The following NOTCH2 variants were observed in gnomAD, a reference collection of about 807,000 sequenced individuals.
The protein encoded by NOTCH2 is neurogenic locus notch homolog protein 2.
A neutral mutation model predicts 235.8 loss-of-function variants in NOTCH2; 29 were observed. The observed-to-expected ratio is 0.12, with a 90% CI of 0.09 to 0.17. The LOEUF is 0.17. NOTCH2 is among the 10% of genes least tolerant of loss of function. The probability of loss-of-function intolerance (pLI) is 1.00; values close to 1 mark genes in which losing one functional copy is unlikely to be tolerated. For missense variants in NOTCH2, 2,285 were observed against 3,150.2 expected (o/e 0.73, Z 6.57); for synonymous variants, 1,086 against 1,141.5 (o/e 0.95, Z 0.98).
At chr1:120,014,026 C>T (rs587631711) in intron 2 of NOTCH2, among the ~76,000 whole-genome samples, 14 of 147,032 alleles carry the variant, frequency 9.5e-5, no homozygotes, top group South Asian at 2.2e-4. Context: ...GCCTTTCATC[C>T]GCAAAACTAT....
In NOTCH2 at chr1:120,069,394, G is replaced by C. The variant is rs781919354; in HGVS notation, c.13C>G (p.Arg5Gly). 1.9e-6 allele frequency: 3 copies of C among 1,548,330 alleles called. No homozygotes were observed. In the South Asian group the frequency reaches 3.5e-5, roughly 18 times the overall value. The change falls in exon 1 of 34, where the codon CGC becomes GGC. Residue 5 changes from arginine (R) to glycine (G), a missense_variant. Arg to Gly is a moderately radical substitution (Grantham distance 125, BLOSUM62 -2). Around this residue, in one of 6 missense-constraint regions of NOTCH2, gnomAD observed 37 missense variants for 31.4 expected, o/e 1.18. Transcript: ENST00000256646. ...AGCAGCGCCCACAGCAGAGCGGGGC[G>C]CAGGGCGGGCATCTTCTCGGTCGCC... MPAL[R>G]PALLWALLAL...
chr1:120,041,793 C>A (rs1553212856), intron 1 of NOTCH2, among the ~76,000 whole-genome samples: 1 of 111,908 alleles, frequency 8.9e-6, no homozygotes, highest in African/African-American at 3.8e-5. Flanking sequence ...TTCTTGAGCC[C>A]AGTGCTTCCC....
Position 119,941,755 on chromosome 1 carries a change from C to A in NOTCH2, c.2753-1G>T, listed in dbSNP as rs2101105987. 1 of 1,609,304 alleles carries A rather than the reference C, an allele frequency of 6.2e-7. No homozygotes were observed. Among genetic ancestry groups the A allele is most frequent in the South Asian group, 1.1e-5 (1 of 90,890 alleles). On this transcript the variant is annotated splice_acceptor_variant, in intron 17 of 33. Coordinates refer to ENST00000256646, the MANE Select transcript of NOTCH2 (RefSeq NM_024408.4). LOFTEE classifies it high-confidence loss of function. ...CAGGAACCTCCATTCTGGCAAGGATCTAAGCCATTACAAAAGAATTAGACC... is the reference window on the plus strand; with the variant it reads ...CAGGAACCTCCATTCTGGCAAGGATATAAGCCATTACAAAAGAATTAGACC...
chr1:120,023,233 A>G (rs1369148391), intron 2 of NOTCH2, among the ~76,000 whole-genome samples: 1 of 150,662 alleles, frequency 6.6e-6, no homozygotes, highest in Non-Finnish European at 1.5e-5. Flanking sequence ...GTCAGGAGAT[A>G]GAGACCATCC....
At chr1:119,984,329 GC>G (rs2101178631) in intron 5 of NOTCH2, among the ~76,000 whole-genome samples, 1 of 152,218 alleles carries the variant, frequency 6.6e-6, no homozygotes, top group African/African-American at 2.4e-5. Context: ...AGTTCAACAA[GC>G]CTAGATTCAA....
chr1:119,938,381 A>G (rs782092441), intron 19 of NOTCH2, among the ~76,000 whole-genome samples: 11 of 152,246 alleles, frequency 7.2e-5, no homozygotes, highest in Non-Finnish European at 1.5e-5. Flanking sequence ...TCTGATATTA[A>G]ACATTAAAAT....
intron 5 of NOTCH2, among the ~76,000 whole-genome samples, chr1:119,979,961 A>G (rs1048188341): frequency 7.2e-5 from 11 of 152,290 alleles, no homozygotes; most frequent in African/African-American, 2.4e-4. Flanking sequence ...AGTATAATAT[A>G]AATTATCACA....
At chr1:119,922,559 G>C (rs2101155472) in intron 27 of NOTCH2, 77 bp downstream of exon 27, 1 of 1,607,352 alleles carries the variant, frequency 6.2e-7, no homozygotes, top group Non-Finnish European at 8.5e-7. Flanking sequence ...AAAAATAGAG[G>C]GCTACATAAT....
In NOTCH2 at chr1:119,928,978, G is replaced by C; in HGVS notation, c.3890C>G (p.Thr1297Ser). 1 of 1,613,716 alleles carries C rather than the reference G, an allele frequency of 6.2e-7. No homozygotes were observed. Among genetic ancestry groups the C allele is most frequent in the South Asian group, 1.1e-5 (1 of 91,072 alleles). ...DYLCVCRSAFTGRHCETFVDV... is the reference protein window; with the variant it reads ...DYLCVCRSAFSGRHCETFVDV... Reference sequence around the variant, plus strand: ...CAGGAGGCTAGAGAGCTTCTCACCAGTAAAGGCACTACGGCAAACACACAG... The same window carrying C: ...CAGGAGGCTAGAGAGCTTCTCACCACTAAAGGCACTACGGCAAACACACAG... The change falls in exon 23 of 34, where the codon ACT becomes AGT. Residue 1297 changes from threonine (T) to serine (S), a missense_variant and splice_region_variant. Physicochemically the swap from Thr to Ser is moderately conservative, Grantham distance 58 (BLOSUM62 1). Transcript: ENST00000256646.
At chr1:119,950,269 CAT>C (rs1650420204) in intron 15 of NOTCH2, 2 of 357,324 alleles carry the variant, frequency 5.6e-6, no homozygotes, top group South Asian at 2.2e-5. Flanking sequence ...TCAGCCTCCT[CAT>C]GTGTAAAATG....
At chr1:120,017,448 A>G (rs1156929135) in intron 2 of NOTCH2, among the ~76,000 whole-genome samples, 2 of 152,070 alleles carry the variant, frequency 1.3e-5, no homozygotes, top group Non-Finnish European at 2.9e-5. Flanking sequence ...GACTAAAATT[A>G]TTAATTCTCA....
intron 29 of NOTCH2, among the ~76,000 whole-genome samples, chr1:119,921,094 G>A (rs901601073): frequency 6.6e-6 from 1 of 152,220 alleles, no homozygotes; most frequent in Admixed American, 6.5e-5. Flanking sequence ...AAGCGGCAGA[G>A]TTTTGGATTT....
intron 16 of NOTCH2, 130 bp downstream of exon 16, chr1:119,948,877 A>C: frequency 7.9e-7 from 1 of 1,263,598 alleles, no homozygotes; most frequent in South Asian, 1.2e-5. Context: ...CCTTTGCAAA[A>C]CCTGTGTGCT....
At chr1:119,927,387 G>C (rs1158845647) in intron 23 of NOTCH2, among the ~76,000 whole-genome samples, 1 of 152,124 alleles carries the variant, frequency 6.6e-6, no homozygotes, top group Non-Finnish European at 1.5e-5. Flanking sequence ...AGGTATAAAT[G>C]TTTGTCTCTT....
chr1:119,953,977 A>G (rs1402477710), intron 13 of NOTCH2, among the ~76,000 whole-genome samples: 1 of 152,210 alleles, frequency 6.6e-6, no homozygotes, highest in Non-Finnish European at 1.5e-5. Context: ...TGAAGGAAAC[A>G]ATATCATGGA....
chr1:119,949,409 C>CA (rs1650381292), intron 15 of NOTCH2, among the ~76,000 whole-genome samples: 1 of 129,424 alleles, frequency 7.7e-6, no homozygotes. Flanking sequence ...TTTTTTGAGA[C>CA]GGAGTCTCAC....
chr1:119,921,875 C>A (rs746988432), intron 28 of NOTCH2, 66 bp from the exon 29 acceptor site: 1 of 1,318,382 alleles, frequency 7.6e-7, no homozygotes, highest in Non-Finnish European at 1.1e-6. Context: ...GTTTTCAACA[C>A]TTTCCACCAT....
intron 26 of NOTCH2, 96 bp from the exon 27 acceptor site, chr1:119,922,874 C>T (rs920964333): frequency 1.4e-6 from 2 of 1,470,346 alleles, no homozygotes; most frequent in African/African-American, 1.4e-5. Context: ...TGACAGGAGC[C>T]TCCCTTCCTC....
At chr1:119,968,903 T>G (rs1197160528) in intron 6 of NOTCH2, among the ~76,000 whole-genome samples, 1 of 152,254 alleles carries the variant, frequency 6.6e-6, no homozygotes, top group African/African-American at 2.4e-5. Flanking sequence ...AAGGCCTCCA[T>G]GAAAGAACAT....
Sources: allele counts gnomAD v4.1 joint callset (sites outside exome capture counted in the v4.1 genomes callset), GRCh38; gene constraint gnomAD v4.1.1; regional missense constraint gnomAD v4.1.1; transcripts MANE v1.5; gene names NCBI Gene and HGNC (gene_info 2026-07-23, HGNC 2026-07-21).